The following DDX46 variants were observed in gnomAD, a reference collection of about 807,000 sequenced individuals.
DDX46 encodes DEAD-box helicase 46, also known as probable ATP-dependent RNA helicase DDX46.
DDX46 carries 30 observed loss-of-function variants against 134.9 expected under a neutral mutation model. That is an observed-to-expected ratio of 0.22 (90% CI 0.17 to 0.30). The LOEUF (loss-of-function observed/expected upper bound fraction) is 0.30, where lower values mean the gene tolerates loss of function less well. DDX46 is among the 10% of genes least tolerant of loss of function. The probability of loss-of-function intolerance (pLI) is 1.00; values close to 1 mark genes in which losing one functional copy is unlikely to be tolerated. For synonymous variants in DDX46, 415 were observed against 404.1 expected (o/e 1.03, Z -0.32); for missense variants, 622 against 1,248.7 (o/e 0.50, Z 7.56).
chr5:134,759,094 G>A (rs555571038), intron 1 of DDX46, 139 bp downstream of exon 1: 1 of 1,352,798 alleles, frequency 7.4e-7, no homozygotes, highest in South Asian at 1.3e-5. Flanking sequence ...CATTGGAAGG[G>A]CTGGGGGACC....
chr5:134,783,626 T>C (rs1754236362), intron 9 of DDX46, among the ~76,000 whole-genome samples: 1 of 133,034 alleles, frequency 7.5e-6, no homozygotes, highest in Admixed American at 7.9e-5. Context: ...CTTGGCTCAC[T>C]GCAACCTCCG....
intron 15 of DDX46, among the ~76,000 whole-genome samples, chr5:134,798,671 A>G (rs1483537092): frequency 6.6e-6 from 1 of 152,138 alleles, no homozygotes; most frequent in Non-Finnish European, 1.5e-5. Context: ...CATAACCTCT[A>G]TTCTGCTTTC....
intron 10 of DDX46, 166 bp downstream of exon 10, chr5:134,784,707 A>G: frequency 1.6e-6 from 1 of 607,890 alleles, no homozygotes; most frequent in Admixed American, 4.0e-5. Context: ...CAGCAGGTGG[A>G]GTGAGAATCT....
At chr5:134,820,762 A>G (rs971072905) in intron 21 of DDX46, among the ~76,000 whole-genome samples, 3 of 152,214 alleles carry the variant, frequency 2.0e-5, no homozygotes, top group Non-Finnish European at 4.4e-5. Flanking sequence ...GGATTCAGTG[A>G]AAGCAGTGCT....
intron 1 of DDX46, 103 bp from the exon 2 acceptor site, chr5:134,763,800 GA>G: frequency 7.7e-7 from 1 of 1,303,986 alleles, no homozygotes; most frequent in African/African-American, 1.5e-5. Flanking sequence ...AAAGTTCTTT[GA>G]GTGTTAAATT....
chr5:134,761,843 A>G (rs1478312638), intron 1 of DDX46, among the ~76,000 whole-genome samples: 1 of 152,194 alleles, frequency 6.6e-6, no homozygotes, highest in Non-Finnish European at 1.5e-5. Context: ...CTATGCCACC[A>G]CTATCTCATG....
intron 11 of DDX46, 24 bp downstream of exon 11, chr5:134,785,610 G>A (rs1249085603): frequency 1.9e-6 from 3 of 1,577,392 alleles, no homozygotes; most frequent in East Asian, 4.6e-5. Flanking sequence ...AAACATTCAT[G>A]TTTTCCATTC....
intron 11 of DDX46, 45 bp downstream of exon 11, chr5:134,785,631 T>G: frequency 6.4e-7 from 1 of 1,566,582 alleles, no homozygotes; most frequent in Non-Finnish European, 8.6e-7. Flanking sequence ...TTTTCTCAAG[T>G]TGGATGATTC....
At chr5:134,809,702 C>G (rs1459104741) in intron 16 of DDX46, among the ~76,000 whole-genome samples, 1 of 151,670 alleles carries the variant, frequency 6.6e-6, no homozygotes, top group Non-Finnish European at 1.5e-5. Flanking sequence ...AAATCTTAAA[C>G]CATGTTTTAA....
chr5:134,826,029 T>G (rs1755582384), intron 21 of DDX46: 1 of 152,234 alleles, frequency 6.6e-6, no homozygotes, highest in Admixed American at 6.5e-5. Flanking sequence ...TTGTCCATTC[T>G]ACCTCAAAAG....
At chr5:134,773,142 G>T (rs1753825671) in intron 4 of DDX46, among the ~76,000 whole-genome samples, 1 of 152,078 alleles carries the variant, frequency 6.6e-6, no homozygotes, top group East Asian at 1.9e-4. Context: ...TCCCTTTGTT[G>T]CTGAGGCTGA....
chr5:134,801,702 A>C (rs1172283879), intron 15 of DDX46, among the ~76,000 whole-genome samples: 1 of 152,104 alleles, frequency 6.6e-6, no homozygotes, highest in Admixed American at 6.6e-5. Flanking sequence ...CCTGGCTTAT[A>C]GTTCTTTTTT....
At chr5:134,780,846 A>G (rs1471192502) in intron 6 of DDX46, 2 of 194,074 alleles carry the variant, frequency 1.0e-5, no homozygotes, top group Non-Finnish European at 2.1e-5. Context: ...CCTGGGCAAC[A>G]TAGCATGACT....
intron 21 of DDX46, among the ~76,000 whole-genome samples, chr5:134,824,719 G>A (rs1055740455): frequency 1.3e-5 from 2 of 152,128 alleles, no homozygotes; most frequent in African/African-American, 4.8e-5. Flanking sequence ...TTGAAACTCC[G>A]AACTCAACTA....
chr5:134,801,096 C>T (rs1177593159), intron 15 of DDX46, among the ~76,000 whole-genome samples: 1 of 152,032 alleles, frequency 6.6e-6, no homozygotes, highest in African/African-American at 2.4e-5. Context: ...CCAGTCTGGG[C>T]AGCATAGCAA....
At chr5:134,778,950 G>T (rs569056363) in intron 6 of DDX46, among the ~76,000 whole-genome samples, 27 of 152,128 alleles carry the variant, frequency 1.8e-4, no homozygotes, top group Non-Finnish European at 2.6e-4. Flanking sequence ...AGGCTAGAAT[G>T]CAGTGGTGTA....
rs1463617397 is a variant in DDX46, at chr5:134,758,794, G to C, written c.-145G>C. The C allele has an allele frequency of 9.1e-6, 12 of 1,318,756 alleles. No individual in the cohort carries two copies. The East Asian group carries it at 2.9e-4, about 32-fold the overall frequency. The allele number at this position is 1,318,756 out of a possible 1,614,324, so 81.7% of individuals were successfully genotyped here. A position where few individuals can be genotyped will look rare whatever the true frequency, so the allele number is the denominator to read the frequency against. ...CCAGCACGTCCTGTTTTCGTTGGCC[G>C]CGCTGGGATGGCCGCCACAGCTGTA... is the stretch of plus-strand genomic sequence containing the variant. On this transcript the variant is annotated 5_prime_UTR_variant, in exon 1 of 23. Coordinates refer to ENST00000452510, the MANE Select transcript of DDX46 (RefSeq NM_001300860.2).
At chr5:134,811,542 GGT>G in intron 17 of DDX46, 152 bp from the exon 18 acceptor site, 1 of 1,129,556 alleles carries the variant, frequency 8.9e-7, no homozygotes, top group Non-Finnish European at 1.2e-6. Flanking sequence ...AGTATTTTGT[GGT>G]GTCTATGTAG....
rs1753288230 is a variant in DDX46 at position 134,758,938 on chromosome 5, C to T, written c.-1C>T. 1 of 1,613,056 alleles carries T rather than the reference C, an allele frequency of 6.2e-7. No individual in the cohort carries two copies. On this transcript the variant is annotated 5_prime_UTR_variant, in exon 1 of 23. Coordinates refer to ENST00000452510, the MANE Select transcript of DDX46 (RefSeq NM_001300860.2). ...GCACCAGTATTCCCGCGGTCGGCAG[C>T]ATGGGTCGGGAGTCACGGTGAGGCA...
Sources: gnomAD v4.1 joint callset for allele counts (sites outside exome capture counted in the v4.1 genomes callset) on GRCh38, gnomAD v4.1.1 for gene constraint, MANE v1.5 for transcripts, NCBI Gene and HGNC (gene_info 2026-07-23, HGNC 2026-07-21) for gene names.